The following OPA3 variants were observed in gnomAD, a reference collection of about 807,000 sequenced individuals.
OPA3 encodes the protein outer mitochondrial membrane lipid metabolism regulator OPA3, also known as optic atrophy 3 protein.
In OPA3, 6 loss-of-function variants were observed where a neutral mutation model predicts 4.0. The ratio of observed to expected loss-of-function variants is 1.51; its 90% confidence interval spans 0.83 to 2.99. The LOEUF is 2.99. Ranked by LOEUF, OPA3 falls within the 30% of genes most tolerant of loss-of-function variation. OPA3 has a pLI of 0.00. For missense variants in OPA3, 235 were observed against 256.2 expected (o/e 0.92, Z 0.56); for synonymous variants, 105 against 117.1 (o/e 0.90, Z 0.67).
chr19:45,527,763 GTTC>G (rs1969008644), exon 2 of OPA3: 1 of 152,132 alleles, frequency 6.6e-6, no homozygotes, highest in Non-Finnish European at 1.5e-5. Context: ...TCTCAGACAC[GTTC>G]TTAAGATCTT....
At chr19:45,555,528 T>C (rs540609125) in intron 1 of OPA3, among the ~76,000 whole-genome samples, 209 of 151,750 alleles carry the variant, frequency 1.4e-3, no homozygotes, top group African/African-American at 4.9e-3. Flanking sequence ...TCACACTCTG[T>C]CGCCCAGGCT....
intron 1 of OPA3, among the ~76,000 whole-genome samples, chr19:45,565,883 C>G (rs1969575233): frequency 6.6e-6 from 1 of 152,086 alleles, no homozygotes; most frequent in South Asian, 2.1e-4. Flanking sequence ...CCCCCAGGTT[C>G]AAGGCTGCAG....
At chr19:45,564,232 C>A (rs772727568) in intron 1 of OPA3, among the ~76,000 whole-genome samples, 1 of 151,528 alleles carries the variant, frequency 6.6e-6, no homozygotes, top group Non-Finnish European at 1.5e-5. Context: ...AGCCTTGAGG[C>A]GGGAGCAGAT....
chr19:45,583,546 G>A (rs1224846539), intron 1 of OPA3, among the ~76,000 whole-genome samples: 1 of 152,014 alleles, frequency 6.6e-6, no homozygotes, highest in African/African-American at 2.4e-5. Context: ...GTGTCGCCCA[G>A]GCTGGAGTGC....
downstream of OPA3, among the ~76,000 whole-genome samples, chr19:45,545,817 ATTC>A (rs2122409149): frequency 6.7e-6 from 1 of 150,332 alleles, no homozygotes; most frequent in African/African-American, 2.4e-5. Flanking sequence ...GGTTCAAGTA[ATTC>A]TTCTGCCTCA....
chr19:45,584,750 C>G lies in OPA3; in HGVS notation c.15G>C (p.Ala5=), dbSNP rs763315476. 21 of 1,613,982 alleles carry G rather than the reference C, an allele frequency of 1.3e-5. No individual in the cohort carries two copies. In the South Asian group the frequency reaches 2.1e-4, roughly 16 times the overall value. Residue 5 remains alanine, a synonymous_variant, in exon 1 of 2, where the codon GCG becomes GCC. Transcript: ENST00000263275. ...AGTATAGCAGCTTCGCCATAGGGAA[C>G]GCGCCCACCACCATCTTGGCGGTCT... MVVG[A]FPMAKLLYLG...
chr19:45,574,141 C>T (rs529641026), intron 1 of OPA3, among the ~76,000 whole-genome samples: 1 of 151,998 alleles, frequency 6.6e-6, no homozygotes, highest in Non-Finnish European at 1.5e-5. Flanking sequence ...CGCCTGTAAT[C>T]CCAGCACTTT....
chr19:45,544,698 G>A (rs149381927), downstream of OPA3, among the ~76,000 whole-genome samples: 16,350 of 152,102 alleles, frequency 0.11, 992 homozygotes, highest in East Asian at 0.18. Context: ...GGAGGCTGAG[G>A]CAGGAGAATC....
rs988152774 is a variant in OPA3, at chr19:45,550,953, C to T, written c.*2561G>A. The T allele has an allele frequency of 1.0e-6, 1 of 985,558 alleles. No homozygotes were observed. Among genetic ancestry groups the T allele is most frequent in the Non-Finnish European group, 1.2e-6 (1 of 830,028 alleles). 61.1% of individuals were successfully genotyped at this position (985,558 alleles called of 1,614,324 possible). On this transcript the variant is annotated 3_prime_UTR_variant, in exon 2 of 2. Coordinates refer to ENST00000263275, the MANE Select transcript of OPA3 (RefSeq NM_025136.4). ...AAGGCCAAATGGCCCGCGGGGTTGG[C>T]AGGAGTCCCAGGGTACTTTTTTTCT... is the stretch of plus-strand genomic sequence containing the variant.
chr19:45,580,376 C>T (rs1326217343), intron 1 of OPA3, among the ~76,000 whole-genome samples: 4 of 150,092 alleles, frequency 2.7e-5, no homozygotes, highest in Non-Finnish European at 5.9e-5. Context: ...TCACTGCAAC[C>T]TCCACCTCCT....
intron 1 of OPA3, among the ~76,000 whole-genome samples, chr19:45,559,759 C>A (rs1014303603): frequency 1.2e-4 from 19 of 152,218 alleles, no homozygotes; most frequent in Middle Eastern, 3.4e-3. Flanking sequence ...CTCAGCTGGA[C>A]TGTCCCTTCC....
chr19:45,561,896 A>G (rs1228998757), intron 1 of OPA3, among the ~76,000 whole-genome samples: 2 of 151,472 alleles, frequency 1.3e-5, no homozygotes, highest in African/African-American at 4.9e-5. Flanking sequence ...AGCCGAGACC[A>G]TGCCAGTCAG....
In OPA3 at chr19:45,549,205, A is replaced by C. The variant is rs1047634910; in HGVS notation, c.*4309T>G. ...CCCCTCTCCCCAAATTACAAGGTAC[A>C]CAGAATTCTAGCTAGCAGAACACAC... On this transcript the variant is annotated 3_prime_UTR_variant, in exon 2 of 2. Transcript: ENST00000263275. The C allele has an allele frequency of 1.0e-6, 1 of 985,286 alleles. No individual in the cohort carries two copies. The highest frequency in any genetic ancestry group is 4.7e-5 in the South Asian group (1 of 21,292). 61.0% of individuals were successfully genotyped at this position (985,286 alleles called of 1,614,324 possible).
At chr19:45,566,670 T>A (rs1969587580) in intron 1 of OPA3, among the ~76,000 whole-genome samples, 1 of 151,742 alleles carries the variant, frequency 6.6e-6, no homozygotes, top group Non-Finnish European at 1.5e-5. Context: ...GAGACAGGGT[T>A]TCACCATGTT....
At chr19:45,577,723 G>A (rs1182372014) in intron 1 of OPA3, among the ~76,000 whole-genome samples, 2 of 152,156 alleles carry the variant, frequency 1.3e-5, no homozygotes, top group East Asian at 3.9e-4. Flanking sequence ...AGAACAAATA[G>A]ACCTCAGGAG....
chr19:45,543,255 C>T (rs547758262), downstream of OPA3, among the ~76,000 whole-genome samples: 31 of 152,206 alleles, frequency 2.0e-4, no homozygotes, highest in African/African-American at 7.0e-4. Context: ...ACGTGATCCT[C>T]CAGCTTTGGC....
At position 45,552,560 on chromosome 19, in the gene OPA3, C is replaced by G. The variant is rs2122433397; in HGVS notation, c.*954G>C. 6.8e-6 allele frequency: 1 copy of G among 146,016 alleles called. No individual in the cohort carries two copies. The highest frequency in any genetic ancestry group is 2.1e-4 in the East Asian group (1 of 4,798). The allele number at this position is 146,016 out of a possible 1,614,324, so 9.0% of individuals were successfully genotyped here. On this transcript the variant is annotated 3_prime_UTR_variant, in exon 2 of 2. Transcript: ENST00000263275. ...TTTTTTTTTGAGACACAGTCTTGCT[C>G]TGTCACCCGGGCTGGAATACAGTGG...
chr19:45,550,303 G>A lies in OPA3; in HGVS notation c.*3211C>T, dbSNP rs1424391554. The A allele has an allele frequency of 4.1e-6, 4 of 985,406 alleles. No homozygotes were observed. Among genetic ancestry groups the A allele is most frequent in the East Asian group, 1.1e-4 (1 of 8,832 alleles). The allele number at this position is 985,406 out of a possible 1,614,324, so 61.0% of individuals were successfully genotyped here. ...TGAGGATGGAAGTCGGGGAAAGCCC[G>A]GCCCTCCCACTTTCACCTGCAGCTT... On this transcript the variant is annotated 3_prime_UTR_variant, in exon 2 of 2. Coordinates refer to ENST00000263275, the MANE Select transcript of OPA3 (RefSeq NM_025136.4).
Position 45,562,114 on chromosome 19 carries a change from C to T in OPA3, c.143-8203G>A, listed in dbSNP as rs980069520. On this transcript the variant is annotated intron_variant, in intron 1 of 1. Coordinates refer to ENST00000263275, the MANE Select transcript of OPA3 (RefSeq NM_025136.4). ...ATAATAATCCCAGCACTTAAGAGGC[C>T]GAGGCACTGGATCACTTGAAGTCAG... 2.6e-5 allele frequency among the ~76,000 whole-genome samples: 4 copies of T among 151,762 alleles called. No homozygotes were observed. In the South Asian group the frequency reaches 6.2e-4, roughly 24 times the overall value.
Sources: allele counts gnomAD v4.1 joint callset (sites outside exome capture counted in the v4.1 genomes callset), GRCh38; gene constraint gnomAD v4.1.1; transcripts MANE v1.5; gene names NCBI Gene and HGNC (gene_info 2026-07-23, HGNC 2026-07-21).